ZNF608: variants seen among roughly 807,000 people sequenced by gnomAD.
ZNF608 encodes renal carcinoma antigen NY-REN-36.
ZNF608 carries 12 observed loss-of-function variants against 109.0 expected under a neutral mutation model. That is an observed-to-expected ratio of 0.11 (90% CI 0.07 to 0.18). The LOEUF is 0.18. Ranked by LOEUF, ZNF608 falls within the 10% of genes least tolerant of loss-of-function variation. The pLI is 1.00. For synonymous variants in ZNF608, 732 were observed against 717.4 expected (o/e 1.02, Z -0.33); for missense variants, 1,707 against 1,879.3 (o/e 0.91, Z 1.70).
chr5:124,725,591 T>C (rs1314081489), intron 2 of ZNF608, among the ~76,000 whole-genome samples: 1 of 152,138 alleles, frequency 6.6e-6, no homozygotes, highest in Non-Finnish European at 1.5e-5. Context: ...AGGAAATGAA[T>C]ATTTAACTGC....
At chr5:124,706,640 G>A (rs1223206154) in intron 2 of ZNF608, among the ~76,000 whole-genome samples, 1 of 152,064 alleles carries the variant, frequency 6.6e-6, no homozygotes, top group African/African-American at 2.4e-5. Flanking sequence ...TGGTTTCTTT[G>A]TCAAAGCTCT....
upstream of ZNF608, chr5:124,748,515 C>G: frequency 6.1e-6 from 6 of 985,034 alleles, no homozygotes; most frequent in Non-Finnish European, 7.2e-6. Context: ...TAGAGACACA[C>G]CACGCAACCG....
intron 5 of ZNF608, among the ~76,000 whole-genome samples, chr5:124,646,284 G>A (rs10068640): frequency 0.3 from 46,273 of 152,022 alleles, 7,671 homozygotes; most frequent in East Asian, 0.41. Context: ...TCGCTTGAAC[G>A]GAGGCGGAGG....
intron 3 of ZNF608, among the ~76,000 whole-genome samples, chr5:124,665,517 A>C (rs1751442417): frequency 6.6e-6 from 1 of 152,256 alleles, no homozygotes; most frequent in South Asian, 2.1e-4. Flanking sequence ...ATATCTTGTA[A>C]GTGAAGGAGC....
rs183309752 is a variant in ZNF608, at chr5:124,679,400, C to A, written c.1162+21614G>T. ...CCTTCCCTCCCTCCTTCCTTCTTTC[C>A]TTTCTTCCTTCCTTCTTTTCCTCCC... On this transcript the variant is annotated intron_variant, in intron 3 of 9. Coordinates refer to ENST00000513986, the MANE Select transcript of ZNF608 (RefSeq NM_020747.3). Among the ~76,000 whole-genome samples the A allele has an allele frequency of 4.0e-5, 6 of 150,966 alleles. No homozygotes were observed. In the East Asian group the frequency reaches 1.2e-3, roughly 30 times the overall value.
At chr5:124,703,772 AAAC>A (rs1197858747) in intron 2 of ZNF608, among the ~76,000 whole-genome samples, 8 of 152,214 alleles carry the variant, frequency 5.3e-5, no homozygotes, top group South Asian at 2.1e-4. Context: ...TGTCCCTTAA[AAAC>A]AACAACAACA....
intron 3 of ZNF608, among the ~76,000 whole-genome samples, chr5:124,682,935 T>C (rs566834276): frequency 6.6e-6 from 1 of 152,146 alleles, no homozygotes. Flanking sequence ...CTGAACTTAC[T>C]TATAACGAAC....
chr5:124,687,945 A>C (rs1467948490), intron 3 of ZNF608, among the ~76,000 whole-genome samples: 1 of 152,178 alleles, frequency 6.6e-6, no homozygotes, highest in Non-Finnish European at 1.5e-5. Context: ...GCCAGGGAAA[A>C]CTGCACACTG....
intron 2 of ZNF608, among the ~76,000 whole-genome samples, chr5:124,729,645 A>G (rs1057289309): frequency 1.4e-4 from 21 of 152,226 alleles, no homozygotes; most frequent in African/African-American, 4.8e-4. Flanking sequence ...TTAAGTATAT[A>G]TATCTATGTG....
At chr5:124,743,805 C>G (rs1749521574) in intron 2 of ZNF608, among the ~76,000 whole-genome samples, 1 of 152,162 alleles carries the variant, frequency 6.6e-6, no homozygotes, top group Non-Finnish European at 1.5e-5. Flanking sequence ...GCAAAAGGTA[C>G]TTAGAACACT....
At chr5:124,723,683 G>C (rs555431286) in intron 2 of ZNF608, among the ~76,000 whole-genome samples, 21 of 152,132 alleles carry the variant, frequency 1.4e-4, no homozygotes, top group Admixed American at 2.0e-4. Flanking sequence ...GTGAGACGCT[G>C]ACTCCATCAA....
intron 2 of ZNF608, among the ~76,000 whole-genome samples, chr5:124,705,521 T>A (rs184661702): frequency 6.6e-6 from 1 of 152,288 alleles, no homozygotes; most frequent in Admixed American, 6.5e-5. Flanking sequence ...GGCTTAAAAG[T>A]CCCTGGTCTG....
In ZNF608 at chr5:124,648,923, A is replaced by G. The variant is rs1750660656; in HGVS notation, c.1461T>C (p.Ala487=). 12 of 1,613,958 alleles carry G rather than the reference A, an allele frequency of 7.4e-6. No individual in the cohort carries two copies. Among genetic ancestry groups the G allele is most frequent in the African/African-American group, 1.3e-5 (1 of 74,920 alleles). Residue 487 remains alanine (A), a synonymous_variant, in exon 5 of 10, where the codon GCT becomes GCC. Transcript: ENST00000513986. ...AGGAAGGGCTGGCTTTGATATCCTC[A>G]GCAGCACAATTTGGGGGTGTCCTTC... The part of the protein sequence containing the change: ...SGRRTPPNCA[A]EDIKASPSST...
intron 3 of ZNF608, among the ~76,000 whole-genome samples, chr5:124,692,909 C>T (rs1305919607): frequency 6.6e-6 from 1 of 152,168 alleles, no homozygotes; most frequent in East Asian, 1.9e-4. Context: ...ACAAGCTAGT[C>T]CCTTCTATTG....
rs769969551 is a variant in ZNF608 at position 124,644,470 on chromosome 5, C to A, written c.3897G>T (p.Lys1299Asn). The change falls in exon 6 of 10, where the codon AAG becomes AAT. Residue 1299 changes from lysine to asparagine, a missense_variant. Physicochemically the swap from Lys to Asn is moderately conservative, Grantham distance 94. This residue lies in a region of ZNF608 where 1,073 missense variants were observed against 1,133.5 expected (regional missense o/e 0.95). Transcript: ENST00000513986. ...TSIKEEPKEAKHPDSQSMEES... is the reference protein window; with the variant it reads ...TSIKEEPKEANHPDSQSMEES... ...CCTCCATTGATTGAGAATCAGGATG[C>A]TTGGCCTCTTTGGGCTCCTCTTTAA... The A allele has an allele frequency of 1.2e-6, 2 of 1,614,130 alleles. No homozygotes were observed. Among genetic ancestry groups the A allele is most frequent in the Non-Finnish European group, 1.7e-6 (2 of 1,180,030 alleles).
At position 124,647,574 on chromosome 5, in the gene ZNF608, G is replaced by C; in HGVS notation, c.2810C>G (p.Pro937Arg). 6.2e-7 allele frequency: 1 copy of C among 1,614,178 alleles called. No homozygotes were observed. The highest frequency in any genetic ancestry group is 1.3e-5 in the African/African-American group (1 of 75,024). The change falls in exon 5 of 10, where the codon CCG becomes CGG. Residue 937 changes from proline to arginine, a missense_variant. Physicochemically the swap from Pro to Arg is moderately radical, Grantham distance 103. Around this residue, in one of 7 missense-constraint regions of ZNF608, gnomAD observed 1,073 missense variants for 1,133.5 expected, o/e 0.95. Coordinates refer to ENST00000513986, the MANE Select transcript of ZNF608 (RefSeq NM_020747.3). ...AGCATCAGATATGTCTGAATAGGCC[G>C]GGCTGCTTGTCTTTGCAGCTGAACT... ...AESSAAKTSS[P>R]AYSDISDAAD...
chr5:124,656,799 AACACACACACACACAC>A (rs35634231), intron 3 of ZNF608, among the ~76,000 whole-genome samples: 108 of 123,980 alleles, frequency 8.7e-4, no homozygotes, highest in Middle Eastern at 4.3e-3. Context: ...ATAAGCCCTA[AACACACACACACACAC>A]ACACACACAC....
At position 124,644,588 on chromosome 5, in the gene ZNF608, A is replaced by G; in HGVS notation, c.3779T>C (p.Leu1260Pro). 2 of 1,613,344 alleles carry G rather than the reference A, an allele frequency of 1.2e-6. No individual in the cohort carries two copies. The highest frequency in any genetic ancestry group is 2.7e-5 in the African/African-American group (2 of 74,918). ...CTCTTTTAATTTCTTCTCTCTATCA[A>G]GTTCTTCTGACTTTTGCTGATCCAG... ...KYLDQQKSEE[L>P]DREKKLKEDS... is the part of the protein sequence containing the mutation. Residue 1260 changes from leucine (L) to proline (P), a missense_variant, in exon 6 of 10, where the codon CTT becomes CCT. Coordinates refer to ENST00000513986, the MANE Select transcript of ZNF608 (RefSeq NM_020747.3).
chr5:124,693,341 A>C (rs1450981033), intron 3 of ZNF608, among the ~76,000 whole-genome samples: 1 of 152,252 alleles, frequency 6.6e-6, no homozygotes, highest in Non-Finnish European at 1.5e-5. Flanking sequence ...AGATTTTCTT[A>C]CTAATTCCTT....
Sources: gnomAD v4.1 joint callset for allele counts (sites outside exome capture counted in the v4.1 genomes callset) on GRCh38, gnomAD v4.1.1 for gene constraint, gnomAD v4.1.1 regional missense constraint, MANE v1.5 for transcripts, NCBI Gene and HGNC (gene_info 2026-07-23, HGNC 2026-07-21) for gene names.